DMD: variants seen among roughly 807,000 people sequenced by gnomAD.
DMD encodes the protein mutant dystrophin.
In DMD, 63 loss-of-function variants were observed where a neutral mutation model predicts 330.1. That is an observed-to-expected ratio of 0.19 (90% CI 0.16 to 0.24). DMD has a LOEUF of 0.24. DMD is among the 10% of genes least tolerant of loss of function. The pLI is 1.00. For missense variants in DMD, 3,344 were observed against 2,684.1 expected (o/e 1.25, Z -5.43); for synonymous variants, 1,223 against 959.8 (o/e 1.27, Z -5.07).
At chrX:32,118,174 C>A (rs1307272092) in intron 44 of DMD, among the ~76,000 whole-genome samples, 1 of 111,308 alleles carries the variant, frequency 9.0e-6, no homozygotes, top group Non-Finnish European at 1.9e-5. Flanking sequence ...GGGAAGGGGA[C>A]AAAATTTATA....
At chrX:31,810,261 G>A (rs2092421196) in intron 50 of DMD, among the ~76,000 whole-genome samples, 1 of 110,950 alleles carries the variant, frequency 9.0e-6, no homozygotes, top group African/African-American at 3.3e-5. Context: ...CACTTGGAAG[G>A]GTAGGAGGAG....
intron 1 of DMD, among the ~76,000 whole-genome samples, chrX:33,169,125 GA>G (rs1189390146): frequency 2.8e-5 from 3 of 108,163 alleles, no homozygotes; most frequent in Non-Finnish European, 5.8e-5. Flanking sequence ...CCAATGAACA[GA>G]AAAAAAACAA....
intron 16 of DMD, among the ~76,000 whole-genome samples, chrX:32,552,948 C>T (rs1017936749): frequency 2.7e-5 from 3 of 111,574 alleles, no homozygotes; most frequent in African/African-American, 9.8e-5. Flanking sequence ...GAAAAGGGAA[C>T]GTTTATTGCA....
chrX:31,506,609 C>A (rs887520434), intron 56 of DMD, among the ~76,000 whole-genome samples: 1 of 112,312 alleles, frequency 8.9e-6, no homozygotes, highest in South Asian at 3.7e-4. Context: ...CTTCCCTCTG[C>A]CCTTTTTACA....
chrX:31,994,654 G>A (rs2095572906), intron 44 of DMD, among the ~76,000 whole-genome samples: 1 of 111,514 alleles, frequency 9.0e-6, no homozygotes, highest in East Asian at 2.8e-4. Flanking sequence ...CAGACTAACT[G>A]GAGAAAAATT....
chrX:32,699,955 C>T (rs1047078758), intron 7 of DMD, among the ~76,000 whole-genome samples: 1 of 111,695 alleles, frequency 9.0e-6, no homozygotes, highest in Non-Finnish European at 1.9e-5. Context: ...ATGTAAAAGT[C>T]CCGCACATTA....
intron 55 of DMD, among the ~76,000 whole-genome samples, chrX:31,530,991 C>A (rs868750498): frequency 1.3e-3 from 121 of 96,157 alleles, no homozygotes; most frequent in Non-Finnish European, 2.0e-3. Flanking sequence ...CATGTCCCTA[C>A]AACGGACATG....
At chrX:32,920,761 C>T (rs1319894693) in intron 2 of DMD, among the ~76,000 whole-genome samples, 2 of 112,053 alleles carry the variant, frequency 1.8e-5, no homozygotes, top group Admixed American at 9.5e-5. Context: ...ATGGAACTTC[C>T]AATCTATTGT....
intron 16 of DMD, among the ~76,000 whole-genome samples, chrX:32,562,642 A>G (rs1177471322): frequency 1.4e-4 from 16 of 112,758 alleles, no homozygotes. Context: ...ATTATAGAAA[A>G]TGTACATACA....
At chrX:31,848,296 G>T (rs2093462681) in intron 48 of DMD, among the ~76,000 whole-genome samples, 2 of 111,443 alleles carry the variant, frequency 1.8e-5, no homozygotes, top group African/African-American at 3.3e-5. Context: ...TGATATCCAG[G>T]TCAGAGAACT....
chrX:31,473,633 T>C (rs1004348877), intron 59 of DMD, among the ~76,000 whole-genome samples: 1 of 102,072 alleles, frequency 9.8e-6, no homozygotes, highest in Non-Finnish European at 2.0e-5. Context: ...GGCAGGAGAA[T>C]TGCTTGAACC....
intron 74 of DMD, among the ~76,000 whole-genome samples, chrX:31,148,754 G>T: frequency 8.9e-6 from 1 of 112,200 alleles, no homozygotes; most frequent in East Asian, 2.8e-4. Flanking sequence ...TAGTTAACCT[G>T]ATGGGTGCAT....
At chrX:32,809,402 G>C (rs1284371818) in intron 7 of DMD, 91 bp downstream of exon 7, 1 of 765,516 alleles carries the variant, frequency 1.3e-6, no homozygotes, top group African/African-American at 2.1e-5. Context: ...AAGATATGTA[G>C]TTTTGTATTT....
intron 34 of DMD, among the ~76,000 whole-genome samples, chrX:32,376,697 G>T: frequency 9.1e-6 from 1 of 109,760 alleles, no homozygotes; most frequent in East Asian, 2.8e-4. Flanking sequence ...GAGGTGAAAT[G>T]AGTATAGAGA....
chrX:32,749,538 G>A (rs370706826), intron 7 of DMD, among the ~76,000 whole-genome samples: 1 of 112,119 alleles, frequency 8.9e-6, no homozygotes, highest in African/African-American at 3.2e-5. Flanking sequence ...TTCTTCCCCT[G>A]CTCTCTGCTC....
chrX:33,080,283 A>AT lies in DMD; in HGVS notation c.32-60084dup, dbSNP rs978282202. ...TAGCCAACTTGTTTATACCCACAGA[A>AT]TTTTTTTTTTCAGGATCAACCCTGT... On this transcript the variant is annotated intron_variant, in intron 1 of 78. Coordinates refer to ENST00000357033, the MANE Select transcript of DMD (RefSeq NM_004006.3). 1.9e-4 allele frequency among the ~76,000 whole-genome samples: 21 copies of AT among 108,984 alleles called. No homozygotes were observed. The South Asian group carries it at 3.9e-3, about 20-fold the overall frequency. 94.6% of individuals were successfully genotyped at this position (108,984 alleles called of 115,157 possible).
At chrX:31,287,278 T>C (rs2053291750) in intron 62 of DMD, among the ~76,000 whole-genome samples, 2 of 111,973 alleles carry the variant, frequency 1.8e-5, no homozygotes, top group African/African-American at 6.5e-5. Context: ...TCTGTACATC[T>C]GTATAATGGA....
At chrX:31,846,564 A>T (rs1447573106) in intron 48 of DMD, among the ~76,000 whole-genome samples, 3 of 111,873 alleles carry the variant, frequency 2.7e-5, no homozygotes, top group Non-Finnish European at 5.7e-5. Flanking sequence ...TTAACATTTT[A>T]AAAAAGTCTT....
At chrX:32,075,551 C>A (rs1411746789) in intron 44 of DMD, among the ~76,000 whole-genome samples, 1 of 111,877 alleles carries the variant, frequency 8.9e-6, no homozygotes, top group Non-Finnish European at 1.9e-5. Flanking sequence ...AACTCTCCAA[C>A]AAGGTCTTTC....
Sources: gnomAD v4.1 joint callset for allele counts (sites outside exome capture counted in the v4.1 genomes callset) on GRCh38, gnomAD v4.1.1 for gene constraint, MANE v1.5 for transcripts, NCBI Gene and HGNC (gene_info 2026-07-23, HGNC 2026-07-21) for gene names.